MCTP2: variants seen among roughly 807,000 people sequenced by gnomAD.
MCTP2 encodes multiple C2 and transmembrane domain containing 2.
A neutral mutation model predicts 111.6 loss-of-function variants in MCTP2; 132 were observed. The ratio of observed to expected loss-of-function variants is 1.18; its 90% CI spans 1.03 to 1.37. The LOEUF is 1.37. MCTP2 is among the 40% of genes most tolerant of loss of function. The probability of loss-of-function intolerance (pLI) is 0.00; values close to 1 mark genes in which losing one functional copy is unlikely to be tolerated. For missense variants in MCTP2, 1,183 were observed against 1,067.9 expected (o/e 1.11, Z -1.50); for synonymous variants, 395 against 387.7 (o/e 1.02, Z -0.22).
rs3784655 is a variant in MCTP2, at chr15:94,369,641, G to A, written c.1489-446G>A. On this transcript the variant is annotated intron_variant, in intron 11 of 22. Transcript: ENST00000357742. ...CCAACTCTCTTTAGAGTGGTGATAAGTATCTCTGATGGGTCCAAGTTTAGT... is the reference window on the plus strand; with the variant it reads ...CCAACTCTCTTTAGAGTGGTGATAAATATCTCTGATGGGTCCAAGTTTAGT... Among the ~76,000 whole-genome samples the A allele has an allele frequency of 4.9e-4, 74 of 152,254 alleles. 1 individual carries two copies. The East Asian group carries it at 0.014, about 29-fold the overall frequency.
At chr15:94,277,723 C>T (rs2074285796) in intron 1 of MCTP2, among the ~76,000 whole-genome samples, 1 of 152,076 alleles carries the variant, frequency 6.6e-6, no homozygotes, top group Non-Finnish European at 1.5e-5. Flanking sequence ...CGTACAGAAA[C>T]TACTCTGTAT....
chr15:94,366,073 C>T (rs1276488500), intron 10 of MCTP2, among the ~76,000 whole-genome samples: 1 of 152,088 alleles, frequency 6.6e-6, no homozygotes, highest in Non-Finnish European at 1.5e-5. Flanking sequence ...ATAGACATTT[C>T]TTTCTTTCCA....
intron 14 of MCTP2, 27 bp from the exon 15 acceptor site, chr15:94,398,934 G>T: frequency 7.3e-7 from 1 of 1,363,168 alleles, no homozygotes; most frequent in Non-Finnish European, 1.0e-6. Context: ...TTGCACCAAT[G>T]TGTATTTTGT....
intron 2 of MCTP2, 127 bp from the exon 3 acceptor site, chr15:94,314,155 C>T (rs1048466851): frequency 9.8e-5 from 61 of 622,256 alleles, no homozygotes; most frequent in Non-Finnish European, 1.5e-4. Context: ...AACAGGAAGG[C>T]GGCCCTCACT....
At chr15:94,431,064 C>G (rs2083159130) in intron 17 of MCTP2, among the ~76,000 whole-genome samples, 1 of 152,120 alleles carries the variant, frequency 6.6e-6, no homozygotes, top group South Asian at 2.1e-4. Context: ...TCCTCATATA[C>G]AATCTAAGCT....
chr15:94,401,441 C>G (rs540828437), intron 16 of MCTP2, among the ~76,000 whole-genome samples: 4 of 152,314 alleles, frequency 2.6e-5, no homozygotes, highest in African/African-American at 9.6e-5. Context: ...AGCTATAATA[C>G]TTGCATGTTT....
intron 17 of MCTP2, among the ~76,000 whole-genome samples, chr15:94,413,966 C>A (rs989927535): frequency 6.6e-6 from 1 of 152,094 alleles, no homozygotes; most frequent in Non-Finnish European, 1.5e-5. Flanking sequence ...TCTGAAAATG[C>A]AAACTCTAAA....
At chr15:94,451,977 C>G (rs2084491147) in intron 19 of MCTP2, among the ~76,000 whole-genome samples, 1 of 152,054 alleles carries the variant, frequency 6.6e-6, no homozygotes, top group African/African-American at 2.4e-5. Flanking sequence ...TTAATTTTCT[C>G]CACACTCCAA....
At chr15:94,439,018 G>T (rs893804458) in intron 17 of MCTP2, among the ~76,000 whole-genome samples, 1 of 152,018 alleles carries the variant, frequency 6.6e-6, no homozygotes, top group Non-Finnish European at 1.5e-5. Flanking sequence ...TAGAAGCCTC[G>T]CAGGAATGAA....
chr15:94,439,309 A>G (rs1320748823), intron 17 of MCTP2, among the ~76,000 whole-genome samples: 6 of 152,204 alleles, frequency 3.9e-5, no homozygotes, highest in Non-Finnish European at 5.9e-5. Context: ...TTCTAAGTTG[A>G]TATGTTATAG....
intron 1 of MCTP2, among the ~76,000 whole-genome samples, chr15:94,286,800 C>T (rs1398042115): frequency 1.3e-5 from 2 of 152,186 alleles, no homozygotes; most frequent in Non-Finnish European, 2.9e-5. Context: ...CCATTAGGCT[C>T]CTCGGCTTGG....
At position 94,298,648 on chromosome 15, in the gene MCTP2, C is replaced by G. The variant is rs565350669; in HGVS notation, c.383C>G (p.Ala128Gly). Residue 128 changes from alanine to glycine, a missense_variant, in exon 2 of 23, where the codon GCT (alanine) becomes GGT (glycine). Ala to Gly is a moderately conservative substitution (Grantham distance 60). Coordinates refer to ENST00000357742, the MANE Select transcript of MCTP2 (RefSeq NM_001385001.1). ...TCAGAGGAGGCCTATGCCTCTCCTG[C>G]TGAGCGGAGACGGGTGTCCAGCAAC... ...TDSEEAYASP[A>G]ERRRVSSNGI... is the part of the protein sequence containing the mutation. The G allele has an allele frequency of 9.3e-6, 15 of 1,614,006 alleles. No homozygotes were observed. In the African/African-American group the frequency reaches 2.0e-4, roughly 22 times the overall value.
intron 17 of MCTP2, among the ~76,000 whole-genome samples, chr15:94,411,361 G>A (rs970849689): frequency 6.8e-6 from 1 of 148,004 alleles, no homozygotes; most frequent in Non-Finnish European, 1.5e-5. Context: ...TAGTCTCTCT[G>A]GCTGATCTTT....
Position 94,315,602 on chromosome 15 carries a change from A to T in MCTP2, c.602A>T (p.Lys201Met). ...PFAYLLTIHL[K>M]EGRNLVVRDR... ...GCGTACCTCCTCACCATACACCTGA[A>T]GGAAGGCCGGAACCTGGTTGTCCGA... Residue 201 changes from lysine (K) to methionine (M), a missense_variant, in exon 4 of 23, where the codon AAG becomes ATG. Transcript: ENST00000357742. The T allele has an allele frequency of 6.2e-7, 1 of 1,614,116 alleles. No homozygotes were observed. Among genetic ancestry groups the T allele is most frequent in the Non-Finnish European group, 8.5e-7 (1 of 1,179,998 alleles).
At chr15:94,474,501 A>G (rs977149842) in intron 21 of MCTP2, among the ~76,000 whole-genome samples, 4 of 152,224 alleles carry the variant, frequency 2.6e-5, no homozygotes, top group South Asian at 2.1e-4. Flanking sequence ...CAGCTAATAC[A>G]TGAAGCCAGA....
intron 1 of MCTP2, among the ~76,000 whole-genome samples, chr15:94,245,694 A>G (rs1221501267): frequency 6.9e-6 from 1 of 145,530 alleles, no homozygotes; most frequent in Non-Finnish European, 1.5e-5. Flanking sequence ...GTATACATAT[A>G]TAAATATATG....
At chr15:94,428,188 G>T (rs966916347) in intron 17 of MCTP2, among the ~76,000 whole-genome samples, 2 of 152,006 alleles carry the variant, frequency 1.3e-5, no homozygotes, top group African/African-American at 2.4e-5. Flanking sequence ...GTTCATGAGG[G>T]TCTTCTGGTG....
chr15:94,467,696 G>T (rs1245245622), intron 20 of MCTP2, among the ~76,000 whole-genome samples: 1 of 152,130 alleles, frequency 6.6e-6, no homozygotes, highest in African/African-American at 2.4e-5. Flanking sequence ...AGACATTTAT[G>T]TACTGCCCCT....
intron 20 of MCTP2, among the ~76,000 whole-genome samples, chr15:94,464,389 A>ACATCCTCTTATTTAATGTTGTTTATAG: frequency 6.6e-6 from 1 of 150,910 alleles, no homozygotes; most frequent in African/African-American, 2.4e-5. Flanking sequence ...GTTGTTTATA[A>ACATCCTCTTATTTAATGTTGTTTATAG]CATCCTCTTA....
Sources: gnomAD v4.1 joint callset for allele counts (sites outside exome capture counted in the v4.1 genomes callset) on GRCh38, gnomAD v4.1.1 for gene constraint, MANE v1.5 for transcripts, NCBI Gene and HGNC (gene_info 2026-07-23, HGNC 2026-07-21) for gene names.